Variants in STIMATE observed in about 807,000 individuals in gnomAD.
STIMATE encodes store-operated calcium entry regulator STIMATE.
A neutral mutation model predicts 36.7 loss-of-function variants in STIMATE; 15 were observed. The observed-to-expected ratio is 0.41, with a 90% CI of 0.27 to 0.63. The LOEUF (loss-of-function observed/expected upper bound fraction) is 0.63, where lower values mean the gene tolerates loss of function less well. Among genes scored for constraint, STIMATE ranks in the 20% least tolerant of loss-of-function variants. The pLI, the probability that STIMATE is intolerant of heterozygous loss-of-function variation, is 0.32. For missense variants in STIMATE, 305 were observed against 397.3 expected (o/e 0.77, Z 1.98); for synonymous variants, 163 against 162.3 (o/e 1.00, Z -0.03).
chr3:52,863,517 C>T (rs1701253118), intron 1 of STIMATE, among the ~76,000 whole-genome samples: 1 of 152,208 alleles, frequency 6.6e-6, no homozygotes, highest in South Asian at 2.1e-4. Context: ...GGTGGGGACA[C>T]AGAGCCAAAC....
intron 7 of STIMATE, 89 bp from the exon 8 acceptor site, chr3:52,840,699 T>C: frequency 2.1e-6 from 2 of 953,020 alleles, no homozygotes; most frequent in Non-Finnish European, 2.9e-6. Flanking sequence ...TCAAGTCTCA[T>C]GTTTTTTTTT....
chr3:52,860,149 T>G (rs1457661281), intron 1 of STIMATE, among the ~76,000 whole-genome samples: 2 of 148,200 alleles, frequency 1.3e-5, no homozygotes, highest in Non-Finnish European at 3.0e-5. Flanking sequence ...ACAGAAAAAT[T>G]CATTCATCTA....
intron 1 of STIMATE, among the ~76,000 whole-genome samples, chr3:52,860,192 A>T (rs1481331816): frequency 1.3e-5 from 2 of 151,462 alleles, no homozygotes; most frequent in African/African-American, 4.8e-5. Flanking sequence ...CTGCTGTGTG[A>T]CAAGCCCCAT....
intron 7 of STIMATE, 99 bp from the exon 8 acceptor site, chr3:52,840,709 T>C: frequency 2.5e-6 from 3 of 1,202,198 alleles, no homozygotes; most frequent in East Asian, 2.5e-5. Context: ...TGTTTTTTTT[T>C]TTTTTTTTTG....
At chr3:52,897,190 G>A (rs897197253) in intron 1 of STIMATE, 101 bp downstream of exon 1, 42 of 1,428,988 alleles carry the variant, frequency 2.9e-5, no homozygotes, top group Admixed American at 7.5e-5. Context: ...GAGCAATTCG[G>A]GTCCCAAGGC....
intron 1 of STIMATE, among the ~76,000 whole-genome samples, chr3:52,881,206 A>C (rs77898077): frequency 1.5e-5 from 2 of 133,058 alleles, no homozygotes; most frequent in African/African-American, 3.2e-5. Context: ...CTCTTGTCTC[A>C]AAAAAAAAAA....
At chr3:52,861,179 G>A (rs976219194) in intron 1 of STIMATE, among the ~76,000 whole-genome samples, 3 of 152,196 alleles carry the variant, frequency 2.0e-5, no homozygotes, top group African/African-American at 4.8e-5. Context: ...TCAAGTGCAG[G>A]TCAGGTTCCC....
intron 1 of STIMATE, among the ~76,000 whole-genome samples, chr3:52,885,937 T>C (rs1399260857): frequency 6.6e-6 from 1 of 152,230 alleles, no homozygotes; most frequent in Non-Finnish European, 1.5e-5. Context: ...GCCTGTTTTC[T>C]GGTTGCTTAC....
intron 2 of STIMATE, 67 bp downstream of exon 2, chr3:52,855,329 C>T (rs994677817): frequency 1.3e-4 from 204 of 1,527,666 alleles, no homozygotes; most frequent in Non-Finnish European, 1.7e-4. Flanking sequence ...CCATACCCCA[C>T]CCCCAGCCCC....
chr3:52,887,828 A>C (rs1037804602), intron 1 of STIMATE, among the ~76,000 whole-genome samples: 1 of 152,154 alleles, frequency 6.6e-6, no homozygotes. Flanking sequence ...TCATGGTGAC[A>C]CTATGGCATG....
intron 1 of STIMATE, among the ~76,000 whole-genome samples, chr3:52,858,329 G>A (rs925429942): frequency 6.6e-6 from 1 of 152,162 alleles, no homozygotes; most frequent in African/African-American, 2.4e-5. Flanking sequence ...GAATGAACTA[G>A]TGTAACCATT....
chr3:52,877,076 G>A (rs1301952100), intron 1 of STIMATE, among the ~76,000 whole-genome samples: 1 of 152,224 alleles, frequency 6.6e-6, no homozygotes, highest in Non-Finnish European at 1.5e-5. Flanking sequence ...AAGTTCACTG[G>A]CACAGGCCAC....
intron 1 of STIMATE, among the ~76,000 whole-genome samples, chr3:52,884,096 T>TAAAA (rs1701653174): frequency 6.6e-6 from 1 of 152,178 alleles, no homozygotes; most frequent in Admixed American, 6.5e-5. Context: ...AAGGCTTTTT[T>TAAAA]CCCCTTTCTC....
chr3:52,896,090 C>T (rs940166531), intron 1 of STIMATE: 51 of 470,736 alleles, frequency 1.1e-4, no homozygotes, highest in Admixed American at 2.3e-4. Flanking sequence ...CAGAAGAACG[C>T]GGTATCCATG....
At chr3:52,862,611 A>G (rs1701236630) in intron 1 of STIMATE, among the ~76,000 whole-genome samples, 1 of 152,190 alleles carries the variant, frequency 6.6e-6, no homozygotes, top group Non-Finnish European at 1.5e-5. Flanking sequence ...ATTTTTTTCA[A>G]TCTCTCTTCT....
rs566637607 is a variant in STIMATE, at chr3:52,839,927, T to G, written c.*567A>C. The G allele has an allele frequency of 2.6e-5, 4 of 152,770 alleles. No individual in the cohort carries two copies. Among genetic ancestry groups the G allele is most frequent in the African/African-American group, 9.6e-5 (4 of 41,582 alleles). 9.5% of individuals were successfully genotyped at this position (152,770 alleles called of 1,614,324 possible). A position where few individuals can be genotyped will look rare whatever the true frequency, so the allele number is the denominator to read the frequency against. On this transcript the variant is annotated 3_prime_UTR_variant, in exon 8 of 8. Coordinates refer to ENST00000355083, the MANE Select transcript of STIMATE (RefSeq NM_198563.5). The stretch of plus-strand genomic sequence containing the variant: ...CTGTTTTGCCCATTAGTCCCGTAAG[T>G]ACTTTGTAGGAAATAAACACATACC...
At chr3:52,852,515 G>C in intron 3 of STIMATE, 88 bp downstream of exon 3, 1 of 1,535,518 alleles carries the variant, frequency 6.5e-7, no homozygotes, top group East Asian at 2.3e-5. Context: ...CAAGCCAGAG[G>C]GAGCAGGACC....
In STIMATE at chr3:52,859,531, A is replaced by AATAAATT. The variant is rs748928249; in HGVS notation, c.161-4088_161-4087insAATTTAT. ...AAAAAAAAAAAAAAAAAAAAAAAAAATTTTTTTTTTTTTTTTTTTTTTGCT... is the reference window on the plus strand; with the variant it reads ...AAAAAAAAAAAAAAAAAAAAAAAAAAATAAATTTTTTTTTTTTTTTTTTTTTTTTGCT... On this transcript the variant is annotated intron_variant, in intron 1 of 7. Coordinates refer to ENST00000355083, the MANE Select transcript of STIMATE (RefSeq NM_198563.5). 9.5e-3 allele frequency among the ~76,000 whole-genome samples: 179 copies of AATAAATT among 18,838 alleles called. 1 individual carries two copies. Among genetic ancestry groups the AATAAATT allele is most frequent in the African/African-American group, 0.023 (178 of 7,868 alleles). 12.4% of individuals were successfully genotyped at this position (18,838 alleles called of 152,430 possible). A position where few individuals can be genotyped will look rare whatever the true frequency, so the allele number is the denominator to read the frequency against.
At chr3:52,847,532 C>T (rs1700928249) in intron 4 of STIMATE, 1 of 1,289,792 alleles carries the variant, frequency 7.8e-7, no homozygotes, top group African/African-American at 1.5e-5. Context: ...TTCTCATCAG[C>T]AAACTCTTGG....
Sources: allele counts gnomAD v4.1 joint callset (sites outside exome capture counted in the v4.1 genomes callset), GRCh38; gene constraint gnomAD v4.1.1; transcripts MANE v1.5; gene names NCBI Gene and HGNC (gene_info 2026-07-23, HGNC 2026-07-21).